EPO: variants seen among roughly 807,000 people sequenced by gnomAD.
EPO encodes epoetin.
EPO carries 12 observed loss-of-function variants against 24.4 expected under a neutral mutation model. The ratio of observed to expected loss-of-function variants is 0.49; its 90% confidence interval spans 0.32 to 0.80. The LOEUF (loss-of-function observed/expected upper bound fraction) is 0.80. Among genes scored for constraint, EPO ranks in the 30% least tolerant of loss-of-function variants. The pLI, the probability that EPO is intolerant of heterozygous loss-of-function variation, is 0.04. For missense variants in EPO, 210 were observed against 238.0 expected (o/e 0.88, Z 0.77); for synonymous variants, 107 against 104.0 (o/e 1.03, Z -0.18).
At position 100,721,440 on chromosome 7, in the gene EPO, GC is replaced by G. The variant is rs1280745793; in HGVS notation, c.14-117del. On this transcript the variant is annotated intron_variant, in intron 1 of 4. Coordinates refer to ENST00000252723, the MANE Select transcript of EPO (RefSeq NM_000799.4). This position sits in a 1 kb window ranked among gnomAD's most constrained non-coding sequence, Gnocchi z 4.0. ...CCAGGGAGGCAGCACCTGAGTGCTT[GC>G]ATGGTTGGGGACAGGAAGGACGAGC... 2.9e-6 allele frequency: 4 copies of G among 1,366,270 alleles called. No individual in the cohort carries two copies. The highest frequency in any genetic ancestry group is 4.0e-6 in the Non-Finnish European group (4 of 1,006,362). 84.6% of individuals were successfully genotyped at this position (1,366,270 alleles called of 1,614,324 possible). A position where few individuals can be genotyped will look rare whatever the true frequency, so the allele number is the denominator to read the frequency against.
Position 100,723,200 on chromosome 7 carries a change from C to T in EPO, c.*67C>T. 1 of 1,530,632 alleles carries T rather than the reference C, an allele frequency of 6.5e-7. No individual in the cohort carries two copies. The allele number at this position is 1,530,632 out of a possible 1,614,324, so 94.8% of individuals were successfully genotyped here. ...AACATTGCTTGTGCCACACCCTCCCCCGCCACTCCTGAACCCCGTCGAGGG... is the reference window on the plus strand; with the variant it reads ...AACATTGCTTGTGCCACACCCTCCCTCGCCACTCCTGAACCCCGTCGAGGG... On this transcript the variant is annotated 3_prime_UTR_variant, in exon 5 of 5. Transcript: ENST00000252723.
chr7:100,723,457 C>T lies in EPO; in HGVS notation c.*324C>T, dbSNP rs1806784166. On this transcript the variant is annotated 3_prime_UTR_variant, in exon 5 of 5. Coordinates refer to ENST00000252723, the MANE Select transcript of EPO (RefSeq NM_000799.4). Reference sequence around the variant, plus strand: ...CCCTGCAAAATTTGATGCCAGGACACGCTTTGGAGGCGATTTACCTGTTTT... The same window carrying T: ...CCCTGCAAAATTTGATGCCAGGACATGCTTTGGAGGCGATTTACCTGTTTT... 3 of 231,608 alleles carry T rather than the reference C, an allele frequency of 1.3e-5. No homozygotes were observed. Among genetic ancestry groups the T allele is most frequent in the Non-Finnish European group, 1.7e-5 (2 of 119,100 alleles). The allele number at this position is 231,608 out of a possible 1,614,324, so 14.3% of individuals were successfully genotyped here. A position where few individuals can be genotyped will look rare whatever the true frequency, so the allele number is the denominator to read the frequency against.
At position 100,720,912 on chromosome 7, in the gene EPO, G is replaced by A; in HGVS notation, c.-69G>A. The A allele has an allele frequency of 6.6e-7, 1 of 1,506,352 alleles. No homozygotes were observed. The highest frequency in any genetic ancestry group is 1.4e-5 in the African/African-American group (1 of 69,980). 93.3% of individuals were successfully genotyped at this position (1,506,352 alleles called of 1,614,324 possible). ...TGGCCCTGCACCGCCGAGCTTCCCGGGATGAGGGCCCCCGGTGTGGTCACC... is the reference window on the plus strand; with the variant it reads ...TGGCCCTGCACCGCCGAGCTTCCCGAGATGAGGGCCCCCGGTGTGGTCACC... On this transcript the variant is annotated 5_prime_UTR_variant, in exon 1 of 5. Coordinates refer to ENST00000252723, the MANE Select transcript of EPO (RefSeq NM_000799.4).
Position 100,721,602 on chromosome 7 carries a change from C to G in EPO, c.58C>G (p.Pro20Ala). The G allele has an allele frequency of 6.2e-7, 1 of 1,614,042 alleles. No homozygotes were observed. Among genetic ancestry groups the G allele is most frequent in the South Asian group, 1.1e-5 (1 of 91,082 alleles). ...LWLLLSLLSL[P>A]LGLPVLGAPP... ...GCTTCTCCTGTCCCTGCTGTCGCTCCCTCTGGGCCTCCCAGTCCTGGGCGC... is the reference window on the plus strand; with the variant it reads ...GCTTCTCCTGTCCCTGCTGTCGCTCGCTCTGGGCCTCCCAGTCCTGGGCGC... The change falls in exon 2 of 5, where the codon CCT (proline) becomes GCT (alanine). Residue 20 changes from proline (P) to alanine (A), a missense_variant. Coordinates refer to ENST00000252723, the MANE Select transcript of EPO (RefSeq NM_000799.4). This position sits in a 1 kb window ranked among gnomAD's most constrained non-coding sequence, Gnocchi z 4.0.
In EPO at chr7:100,723,018, C is replaced by T. The variant is rs373734290; in HGVS notation, c.467C>T (p.Pro156Leu). The T allele has an allele frequency of 6.2e-7, 1 of 1,614,140 alleles. No homozygotes were observed. Among genetic ancestry groups the T allele is most frequent in the African/African-American group, 1.3e-5 (1 of 75,026 alleles). ...ISPPDAASAA[P>L]LRTITADTFR... ...CCTCCAGATGCGGCCTCAGCTGCTC[C>T]ACTCCGAACAATCACTGCTGACACT... Residue 156 changes from proline (P) to leucine (L), a missense_variant, in exon 5 of 5, where the codon CCA becomes CTA. Pro to Leu is a moderately conservative substitution (Grantham distance 98). Transcript: ENST00000252723.
At chr7:100,722,957 C>G in intron 4 of EPO, 21 bp from the exon 5 acceptor site, 1 of 1,613,220 alleles carries the variant, frequency 6.2e-7, no homozygotes. Context: ...CTGCAGCGAC[C>G]TCCTGTTTTC....
chr7:100,723,552 C>T lies in EPO; in HGVS notation c.*419C>T, dbSNP rs533509296. 1.8e-4 allele frequency: 28 copies of T among 159,582 alleles called. No homozygotes were observed. Among genetic ancestry groups the T allele is most frequent in the South Asian group, 1.3e-3 (7 of 5,314 alleles). The allele number at this position is 159,582 out of a possible 1,614,324, so 9.9% of individuals were successfully genotyped here. A position where few individuals can be genotyped will look rare whatever the true frequency, so the allele number is the denominator to read the frequency against. On this transcript the variant is annotated 3_prime_UTR_variant, in exon 5 of 5. Transcript: ENST00000252723. ...CAAGCTGTGACTTCTCCAGGTCTCA[C>T]GGGCATGGGCACTCCCTTGGTGGCA...
chr7:100,721,715 TC>T lies in EPO; in HGVS notation c.159+16del. 1 of 1,605,358 alleles carries T rather than the reference TC, an allele frequency of 6.2e-7. No individual in the cohort carries two copies. On this transcript the variant is annotated intron_variant, in intron 2 of 4. Transcript: ENST00000252723. The surrounding 1 kb of genome is among the most constrained non-coding windows in gnomAD (Gnocchi z 4.0). Reference sequence around the variant, plus strand: ...CCGAGAATATCACGGTGAGACCCCTTCCCCAGCACATTCCACAGAACTCACG... The same window carrying T: ...CCGAGAATATCACGGTGAGACCCCTTCCCAGCACATTCCACAGAACTCACG...
In EPO at chr7:100,721,070, C is replaced by T; in HGVS notation, c.13+77C>T. ...GGGGATTTAGCGCCCCGGCTATTGG[C>T]CAGGAGGTGGCTGGGTTCAAGGACC... is the stretch of plus-strand genomic sequence containing the variant. On this transcript the variant is annotated intron_variant, in intron 1 of 4. Coordinates refer to ENST00000252723, the MANE Select transcript of EPO (RefSeq NM_000799.4). The surrounding 1 kb of genome is among the most constrained non-coding windows in gnomAD (Gnocchi z 4.0). 3 of 1,465,126 alleles carry T rather than the reference C, an allele frequency of 2.0e-6. No individual in the cohort carries two copies. The highest frequency in any genetic ancestry group is 1.8e-6 in the Non-Finnish European group (2 of 1,103,998). 90.8% of individuals were successfully genotyped at this position (1,465,126 alleles called of 1,614,324 possible). A position where few individuals can be genotyped will look rare whatever the true frequency, so the allele number is the denominator to read the frequency against.
chr7:100,721,352 C>G lies in EPO; in HGVS notation c.14-206C>G, dbSNP rs537328250. Among the ~76,000 whole-genome samples the G allele has an allele frequency of 4.6e-5, 7 of 151,974 alleles. 1 individual carries two copies. The highest frequency in any genetic ancestry group is 1.4e-4 in the African/African-American group (6 of 41,438). On this transcript the variant is annotated intron_variant, in intron 1 of 4. Transcript: ENST00000252723. The surrounding 1 kb of genome is among the most constrained non-coding windows in gnomAD (Gnocchi z 4.0). ...TGTCACACCAGGATTGAAGTTTGGC[C>G]GGAGAAGTGGATGCTGGTAGCTGGG...
At position 100,721,741 on chromosome 7, in the gene EPO, G is replaced by C; in HGVS notation, c.159+38G>C. 1.3e-6 allele frequency: 2 copies of C among 1,590,046 alleles called. No homozygotes were observed. The highest frequency in any genetic ancestry group is 1.7e-6 in the Non-Finnish European group (2 of 1,172,332). On this transcript the variant is annotated intron_variant, in intron 2 of 4. Transcript: ENST00000252723. The surrounding 1 kb of genome is among the most constrained non-coding windows in gnomAD (Gnocchi z 4.0). ...CCCCAGCACATTCCACAGAACTCAC[G>C]CTCAGGGCTTCAGGGAACTCCTCCC...
chr7:100,721,963 C>T lies in EPO; in HGVS notation c.161C>T (p.Thr54Met), dbSNP rs201069425. Reference protein sequence around the residue: ...LEAKEAENITTGCAEHCSLNE... With the variant: ...LEAKEAENITMGCAEHCSLNE... ...CTCCCCGGGCTGTGTGCATTTCAGA[C>T]GGGCTGTGCTGAACACTGCAGCTTG... The change falls in exon 3 of 5, where the codon ACG becomes ATG. Residue 54 changes from threonine to methionine, a missense_variant and splice_region_variant. By Grantham distance (81) the Thr-to-Met change is moderately conservative. Transcript: ENST00000252723. This position sits in a 1 kb window ranked among gnomAD's most constrained non-coding sequence, Gnocchi z 4.0. 9.3e-6 allele frequency: 15 copies of T among 1,605,276 alleles called. No homozygotes were observed. The highest frequency in any genetic ancestry group is 7.0e-5 in the Admixed American group (4 of 57,286).
intron 3 of EPO, among the ~76,000 whole-genome samples, chr7:100,722,390 C>T (rs138641695): frequency 1.3e-5 from 2 of 152,150 alleles, no homozygotes; most frequent in African/African-American, 4.8e-5. Flanking sequence ...TTTGAGGCTG[C>T]AGTGAGCTGT....
In EPO at chr7:100,720,896, ACCG is replaced by A; in HGVS notation, c.-81_-79del. On this transcript the variant is annotated 5_prime_UTR_variant, in exon 1 of 5. Coordinates refer to ENST00000252723, the MANE Select transcript of EPO (RefSeq NM_000799.4). ...TCCAGGCCCGTGGGGCTGGCCCTGC[ACCG>A]CCGAGCTTCCCGGGATGAGGGCCCC... 2 of 1,475,070 alleles carry A rather than the reference ACCG, an allele frequency of 1.4e-6. No homozygotes were observed. The highest frequency in any genetic ancestry group is 2.7e-5 in the South Asian group (2 of 75,124). 91.4% of individuals were successfully genotyped at this position (1,475,070 alleles called of 1,614,324 possible). A position where few individuals can be genotyped will look rare whatever the true frequency, so the allele number is the denominator to read the frequency against.
chr7:100,722,752 C>T lies in EPO; in HGVS notation c.335C>T (p.Ser112Phe), dbSNP rs1806765651. 1.9e-6 allele frequency: 3 copies of T among 1,613,862 alleles called. No homozygotes were observed. The highest frequency in any genetic ancestry group is 1.7e-4 in the Middle Eastern group (1 of 6,032). Residue 112 changes from serine to phenylalanine, a missense_variant, in exon 4 of 5, where the codon TCC becomes TTC. By Grantham distance (155) the Ser-to-Phe change is radical. Coordinates refer to ENST00000252723, the MANE Select transcript of EPO (RefSeq NM_000799.4). Reference sequence around the variant, plus strand: ...GGCCAGGCCCTGTTGGTCAACTCTTCCCAGCCGTGGGAGCCCCTGCAGCTG... The same window carrying T: ...GGCCAGGCCCTGTTGGTCAACTCTTTCCAGCCGTGGGAGCCCCTGCAGCTG... ...LRGQALLVNS[S>F]QPWEPLQLHV...
At position 100,723,255 on chromosome 7, in the gene EPO, G is replaced by A; in HGVS notation, c.*122G>A. 1 of 1,155,026 alleles carries A rather than the reference G, an allele frequency of 8.7e-7. No homozygotes were observed. The highest frequency in any genetic ancestry group is 2.4e-5 in the Admixed American group (1 of 41,718). 71.5% of individuals were successfully genotyped at this position (1,155,026 alleles called of 1,614,324 possible). ...TCAGCTCAGCGCCAGCCTGTCCCAT[G>A]GACACTCCAGTGCCAGCAATGACAT... On this transcript the variant is annotated 3_prime_UTR_variant, in exon 5 of 5. Transcript: ENST00000252723.
intron 3 of EPO, among the ~76,000 whole-genome samples, chr7:100,722,300 A>C (rs899818209): frequency 1.3e-5 from 2 of 151,984 alleles, no homozygotes; most frequent in Non-Finnish European, 2.9e-5. Flanking sequence ...ATTTAAAAAA[A>C]TTAGTCAGGT....
At position 100,721,667 on chromosome 7, in the gene EPO, G is replaced by A; in HGVS notation, c.123G>A (p.Arg41=). The change falls in exon 2 of 5, where the codon AGG becomes AGA. Residue 41 remains arginine (R), a synonymous_variant. Coordinates refer to ENST00000252723, the MANE Select transcript of EPO (RefSeq NM_000799.4). The surrounding 1 kb of genome is among the most constrained non-coding windows in gnomAD (Gnocchi z 4.0). The part of the protein sequence containing the change: ...RLICDSRVLE[R]YLLEAKEAEN... ...TCTGTGACAGCCGAGTCCTGGAGAG[G>A]TACCTCTTGGAGGCCAAGGAGGCCG... The A allele has an allele frequency of 6.2e-7, 1 of 1,612,718 alleles. No individual in the cohort carries two copies. The highest frequency in any genetic ancestry group is 1.3e-5 in the African/African-American group (1 of 75,038).
chr7:100,722,054 T>C lies in EPO; in HGVS notation c.246+6T>C. 1 of 1,571,940 alleles carries C rather than the reference T, an allele frequency of 6.4e-7. No individual in the cohort carries two copies. The highest frequency in any genetic ancestry group is 1.2e-5 in the South Asian group (1 of 84,700). ...ATGCCTGGAAGAGGATGGAGGTGAG[T>C]TCCTTTTTTTTTTTTTTTCCTTTCT... On this transcript the variant is annotated splice_donor_region_variant and intron_variant, in intron 3 of 4. Coordinates refer to ENST00000252723, the MANE Select transcript of EPO (RefSeq NM_000799.4).
Sources: gnomAD v4.1 joint callset for allele counts (sites outside exome capture counted in the v4.1 genomes callset) on GRCh38, gnomAD v4.1.1 for gene constraint, Gnocchi (gnomAD v3.1) non-coding constraint, MANE v1.5 for transcripts, NCBI Gene and HGNC (gene_info 2026-07-23, HGNC 2026-07-21) for gene names.